The following EPB41L1 variants were observed in gnomAD, a reference collection of about 807,000 sequenced individuals.
EPB41L1 encodes band 4.1-like protein 1.
A neutral mutation model predicts 97.8 loss-of-function variants in EPB41L1; 29 were observed. The ratio of observed to expected loss-of-function variants is 0.30; its 90% CI spans 0.22 to 0.40. The LOEUF (loss-of-function observed/expected upper bound fraction) is 0.40. Ranked by LOEUF, EPB41L1 falls within the 10% of genes least tolerant of loss-of-function variation. The pLI is 1.00. For synonymous variants in EPB41L1, 383 were observed against 459.2 expected (o/e 0.83, Z 2.12); for missense variants, 812 against 1,162.3 (o/e 0.70, Z 4.38).
chr20:36,210,789 G>A (rs181412713), intron 15 of EPB41L1, among the ~76,000 whole-genome samples: 52 of 152,340 alleles, frequency 3.4e-4, no homozygotes, highest in Middle Eastern at 6.8e-3. Context: ...GGTCAGGTCA[G>A]TGGCTGACAA....
At chr20:36,227,360 G>A (rs377231174) in intron 21 of EPB41L1, among the ~76,000 whole-genome samples, 1 of 152,138 alleles carries the variant, frequency 6.6e-6, no homozygotes, top group Non-Finnish European at 1.5e-5. Context: ...GGAATAGATG[G>A]ATACAACTAG....
At chr20:36,185,441 G>A (rs1331574786) in intron 7 of EPB41L1, 106 bp downstream of exon 7, 12 of 1,015,708 alleles carry the variant, frequency 1.2e-5, no homozygotes, top group African/African-American at 4.8e-5. Context: ...TTTGTACCCC[G>A]CCTGGCTCTG....
upstream of EPB41L1, chr20:36,150,435 T>C (rs2060006110): frequency 6.6e-6 from 1 of 152,172 alleles, no homozygotes; most frequent in South Asian, 2.1e-4. Context: ...CATTTTTATT[T>C]GAACGAGCCA....
chr20:36,141,333 A>G (rs1034591412), intron 2 of EPB41L1, among the ~76,000 whole-genome samples: 1 of 152,066 alleles, frequency 6.6e-6, no homozygotes, highest in Non-Finnish European at 1.5e-5. Context: ...TACGACTGTC[A>G]TCTTTATTAT....
chr20:36,207,655 C>A lies in EPB41L1; in HGVS notation c.1669-1833C>A. The A allele has an allele frequency of 7.8e-7, 1 of 1,290,200 alleles. No individual in the cohort carries two copies. The highest frequency in any genetic ancestry group is 1.0e-6 in the Non-Finnish European group (1 of 988,954). The allele number at this position is 1,290,200 out of a possible 1,614,324, so 79.9% of individuals were successfully genotyped here. On this transcript the variant is annotated intron_variant, in intron 14 of 21. Coordinates refer to ENST00000338074, the MANE Select transcript of EPB41L1 (RefSeq NM_012156.2). The surrounding 1 kb of genome is among the most constrained non-coding windows in gnomAD (Gnocchi z 4.9). ...CAAAGCCACACATTCCACAGTGATA[C>A]CTCTGGCTACCAGACACTTCAGGGA...
intron 1 of EPB41L1, among the ~76,000 whole-genome samples, chr20:36,155,911 C>T (rs1468845714): frequency 1.3e-5 from 2 of 152,008 alleles, no homozygotes; most frequent in Non-Finnish European, 2.9e-5. Context: ...CCACCCCATC[C>T]CCCCACCCTC....
rs1569315669 is a variant in EPB41L1 at position 36,206,506 on chromosome 20, C to T, written c.1669-2982C>T. ...TTATGAAGAAAAAGACTCAGAAGACCAAGTCCTCCCTCCACCCCTGGAGGA... is the reference window on the plus strand; with the variant it reads ...TTATGAAGAAAAAGACTCAGAAGACTAAGTCCTCCCTCCACCCCTGGAGGA... On this transcript the variant is annotated intron_variant, in intron 14 of 21. Transcript: ENST00000338074. This position sits in a 1 kb window ranked among gnomAD's most constrained non-coding sequence, Gnocchi z 5.5. 2 of 1,289,730 alleles carry T rather than the reference C, an allele frequency of 1.6e-6. No homozygotes were observed. The highest frequency in any genetic ancestry group is 2.0e-6 in the Non-Finnish European group (2 of 988,880). 79.9% of individuals were successfully genotyped at this position (1,289,730 alleles called of 1,614,324 possible). A position where few individuals can be genotyped will look rare whatever the true frequency, so the allele number is the denominator to read the frequency against.
chr20:36,102,764 T>G (rs2058059126), intron 1 of EPB41L1, among the ~76,000 whole-genome samples: 1 of 152,196 alleles, frequency 6.6e-6, no homozygotes, highest in Admixed American at 6.5e-5. Flanking sequence ...TCTGACCACA[T>G]GCCCAAATGC....
intron 2 of EPB41L1, among the ~76,000 whole-genome samples, chr20:36,141,587 A>G (rs2059641188): frequency 1.3e-5 from 2 of 152,170 alleles, no homozygotes. Context: ...GTGAGATTCT[A>G]GGAGGGACCT....
intron 14 of EPB41L1, among the ~76,000 whole-genome samples, chr20:36,204,012 T>G (rs549682530): frequency 1.3e-5 from 2 of 152,286 alleles, no homozygotes; most frequent in East Asian, 3.9e-4. Flanking sequence ...TTCCCCCTCC[T>G]GCTGCCAGGA....
rs1217075185 is a variant in EPB41L1, at chr20:36,188,635, CACACACAGAGAG to C, written c.1026+138_1026+149del. The C allele has an allele frequency of 1.5e-4, 77 of 528,996 alleles. No individual in the cohort carries two copies. In the African/African-American group the frequency reaches 1.8e-3, roughly 12 times the overall value. 32.8% of individuals were successfully genotyped at this position (528,996 alleles called of 1,614,324 possible). ...ACACACACACACACACACACACACA[CACACACAGAGAG>C]AGAGAGAGAGAGAGAGAGAGAGGAG... On this transcript the variant is annotated intron_variant, in intron 9 of 21. Coordinates refer to ENST00000338074, the MANE Select transcript of EPB41L1 (RefSeq NM_012156.2).
At chr20:36,184,158 C>A (rs1343700942) in intron 6 of EPB41L1, among the ~76,000 whole-genome samples, 1 of 151,916 alleles carries the variant, frequency 6.6e-6, no homozygotes, top group African/African-American at 2.4e-5. Context: ...TCGCTTGAAC[C>A]TGAGAGGCAG....
intron 12 of EPB41L1, 129 bp downstream of exon 12, chr20:36,194,489 C>T: frequency 2.4e-6 from 3 of 1,260,912 alleles, no homozygotes; most frequent in Non-Finnish European, 3.4e-6. Flanking sequence ...TGCACCATGG[C>T]AGGGCCTTGC....
Position 36,217,739 on chromosome 20 carries a change from G to A in EPB41L1, c.2269-1137G>A, listed in dbSNP as rs533873725. Among the ~76,000 whole-genome samples, 9 of 152,316 alleles carry A rather than the reference G, an allele frequency of 5.9e-5. No homozygotes were observed. In the East Asian group the frequency reaches 9.6e-4, roughly 16 times the overall value. ...TGGAACTGCAGGTGCATCTGGGAAC[G>A]TGCCTTGTGGTGCAGTACCAAGGAA... On this transcript the variant is annotated intron_variant, in intron 17 of 21. Coordinates refer to ENST00000338074, the MANE Select transcript of EPB41L1 (RefSeq NM_012156.2).
At chr20:36,163,708 G>C (rs1187683998) in intron 1 of EPB41L1, among the ~76,000 whole-genome samples, 1 of 152,176 alleles carries the variant, frequency 6.6e-6, no homozygotes, top group Non-Finnish European at 1.5e-5. Flanking sequence ...GCAGGAGGGA[G>C]TGGTGTTACC....
At chr20:36,167,319 A>G (rs1428302939) in intron 1 of EPB41L1, among the ~76,000 whole-genome samples, 1 of 152,162 alleles carries the variant, frequency 6.6e-6, no homozygotes, top group Non-Finnish European at 1.5e-5. Flanking sequence ...GTGGGAGCTG[A>G]TGCTGAATAG....
upstream of EPB41L1, chr20:36,149,933 A>T (rs535856808): frequency 5.3e-5 from 8 of 152,352 alleles, no homozygotes; most frequent in African/African-American, 1.9e-4. Context: ...AAAGAAATAT[A>T]ATGTGAGCCA....
rs376213588 is a variant in EPB41L1 at position 36,228,902 on chromosome 20, G to A, written c.2638-430G>A. On this transcript the variant is annotated intron_variant, in intron 21 of 21. Transcript: ENST00000338074. The stretch of plus-strand genomic sequence containing the variant: ...AAAATGATGATGATCTTAGCTTCTC[G>A]GTGTTAAAGGACATTTTAACACATT... Among the ~76,000 whole-genome samples the A allele has an allele frequency of 1.5e-4, 23 of 152,018 alleles. No homozygotes were observed. In the South Asian group the frequency reaches 2.5e-3, roughly 17 times the overall value.
rs79907878 is a variant in EPB41L1, at chr20:36,128,078, G to T, written c.-10+15598G>T. ...AAGGAGCATGTGGGGGTGGGCGGGG[G>T]CAGCTGGAAGAGCCCTGGAGCTCAG... On this transcript the variant is annotated intron_variant, in intron 2 of 19. Coordinates refer to the EPB41L1 transcript ENST00000202028. Among the ~76,000 whole-genome samples, 5 of 152,190 alleles carry T rather than the reference G, an allele frequency of 3.3e-5. No individual in the cohort carries two copies. The East Asian group carries it at 9.7e-4, about 29-fold the overall frequency.
Sources: gnomAD v4.1 joint callset for allele counts (sites outside exome capture counted in the v4.1 genomes callset) on GRCh38, gnomAD v4.1.1 for gene constraint, Gnocchi (gnomAD v3.1) non-coding constraint, MANE v1.5 for transcripts, NCBI Gene and HGNC (gene_info 2026-07-23, HGNC 2026-07-21) for gene names.